The following ZBTB20 variants were observed in gnomAD, a reference collection of about 807,000 sequenced individuals.
ZBTB20 encodes zinc finger and BTB domain-containing protein 20.
In ZBTB20, 9 loss-of-function variants were observed where a neutral mutation model predicts 56.9. That is an observed-to-expected ratio of 0.16 (90% CI 0.10 to 0.28). The LOEUF (loss-of-function observed/expected upper bound fraction) is 0.28, where lower values mean the gene tolerates loss of function less well. Among genes scored for constraint, ZBTB20 ranks in the 10% least tolerant of loss-of-function variants. The pLI is 1.00. For synonymous variants in ZBTB20, 417 were observed against 420.7 expected (o/e 0.99, Z 0.11); for missense variants, 655 against 1,003.0 (o/e 0.65, Z 4.69).
At chr3:114,533,073 T>C (rs954011062) in intron 6 of ZBTB20, among the ~76,000 whole-genome samples, 1 of 152,036 alleles carries the variant, frequency 6.6e-6, no homozygotes, top group Non-Finnish European at 1.5e-5. Context: ...AAAACCCGAA[T>C]GTCGTTTCTC....
At chr3:115,063,485 C>A (rs918544391) in intron 2 of ZBTB20, among the ~76,000 whole-genome samples, 1 of 152,146 alleles carries the variant, frequency 6.6e-6, no homozygotes, top group African/African-American at 2.4e-5. Flanking sequence ...ATCTTGAGGG[C>A]CCCACCTTCA....
At chr3:114,919,512 C>A (rs1365234649) in intron 3 of ZBTB20, among the ~76,000 whole-genome samples, 2 of 152,054 alleles carry the variant, frequency 1.3e-5, no homozygotes, top group Non-Finnish European at 2.9e-5. Flanking sequence ...TCGAGACCAT[C>A]CTGGCCAAGT....
intron 2 of ZBTB20, among the ~76,000 whole-genome samples, chr3:115,062,355 T>C (rs1342935713): frequency 6.6e-6 from 1 of 152,198 alleles, no homozygotes; most frequent in East Asian, 1.9e-4. Flanking sequence ...AAATAAATCT[T>C]TGAGACAAAT....
intron 7 of ZBTB20, among the ~76,000 whole-genome samples, chr3:114,400,373 T>A (rs776636774): frequency 5.9e-5 from 9 of 152,188 alleles, no homozygotes; most frequent in Non-Finnish European, 1.3e-4. Context: ...CTGATCCATG[T>A]GGAAGTGCTT....
intron 6 of ZBTB20, among the ~76,000 whole-genome samples, chr3:114,671,666 G>A (rs2061368422): frequency 6.6e-6 from 1 of 151,620 alleles, no homozygotes; most frequent in African/African-American, 2.4e-5. Flanking sequence ...TTCAGTGACT[G>A]GGAATAACCA....
chr3:114,448,311 T>C (rs1260512139), intron 7 of ZBTB20, among the ~76,000 whole-genome samples: 1 of 152,136 alleles, frequency 6.6e-6, no homozygotes, highest in Non-Finnish European at 1.5e-5. Context: ...CAGCTGATCT[T>C]ACTGGAGAAG....
chr3:114,445,061 T>C (rs572163387), intron 7 of ZBTB20, among the ~76,000 whole-genome samples: 1 of 152,276 alleles, frequency 6.6e-6, no homozygotes, highest in East Asian at 1.9e-4. Flanking sequence ...ATGCTGACAT[T>C]TGCTTTGTCA....
At chr3:114,845,477 T>C (rs1277820878) in intron 4 of ZBTB20, among the ~76,000 whole-genome samples, 1 of 151,336 alleles carries the variant, frequency 6.6e-6, no homozygotes, top group Non-Finnish European at 1.5e-5. Flanking sequence ...AACTTAAATG[T>C]AAAGCAGTAA....
chr3:114,479,011 G>C (rs1299255233), intron 7 of ZBTB20, among the ~76,000 whole-genome samples: 2 of 150,266 alleles, frequency 1.3e-5, no homozygotes, highest in African/African-American at 5.0e-5. Context: ...TGAGCAAAGT[G>C]CTATAGTTAC....
At chr3:114,726,754 T>A (rs2065322383) in intron 5 of ZBTB20, among the ~76,000 whole-genome samples, 1 of 151,342 alleles carries the variant, frequency 6.6e-6, no homozygotes, top group African/African-American at 2.4e-5. Context: ...CTACTAAAAA[T>A]ACAAAAATTT....
At chr3:114,528,435 A>G (rs2047474059) in intron 6 of ZBTB20, among the ~76,000 whole-genome samples, 1 of 152,150 alleles carries the variant, frequency 6.6e-6, no homozygotes, top group African/African-American at 2.4e-5. Flanking sequence ...TTCAGGATAA[A>G]AAACAAAAAA....
intron 6 of ZBTB20, among the ~76,000 whole-genome samples, chr3:114,535,920 A>G (rs76920837): frequency 0.075 from 11,452 of 152,302 alleles, 445 homozygotes; most frequent in Middle Eastern, 0.14. Flanking sequence ...CAATAGATGC[A>G]GAAAAGGCCT....
intron 4 of ZBTB20, among the ~76,000 whole-genome samples, chr3:114,897,630 C>T (rs1268643930): frequency 1.3e-5 from 2 of 152,090 alleles, no homozygotes; most frequent in East Asian, 1.9e-4. Context: ...ATTCTTGGCT[C>T]ATCTCCTAAT....
chr3:114,770,517 A>G (rs2069122414), intron 5 of ZBTB20, among the ~76,000 whole-genome samples: 1 of 152,152 alleles, frequency 6.6e-6, no homozygotes, highest in African/African-American at 2.4e-5. Context: ...TATGGAAAAA[A>G]AAAAGAATCC....
At chr3:114,884,406 C>G (rs190329552) in intron 4 of ZBTB20, among the ~76,000 whole-genome samples, 1 of 152,154 alleles carries the variant, frequency 6.6e-6, no homozygotes, top group African/African-American at 2.4e-5. Flanking sequence ...TCACAGTAGA[C>G]GGCCTACTTC....
intron 4 of ZBTB20, among the ~76,000 whole-genome samples, chr3:114,842,423 A>G (rs979047331): frequency 1.3e-5 from 2 of 152,140 alleles, no homozygotes; most frequent in African/African-American, 4.8e-5. Flanking sequence ...CCTTCTTTAA[A>G]AACTTTTGTT....
chr3:115,046,994 G>C (rs1018207567), intron 2 of ZBTB20, among the ~76,000 whole-genome samples: 1 of 152,126 alleles, frequency 6.6e-6, no homozygotes, highest in African/African-American at 2.4e-5. Context: ...ACGTTAGATG[G>C]TATCTGTTTT....
intron 10 of ZBTB20, among the ~76,000 whole-genome samples, chr3:114,359,735 T>C (rs893473630): frequency 6.6e-6 from 1 of 152,238 alleles, no homozygotes; most frequent in East Asian, 1.9e-4. Context: ...ATTTGTGCTG[T>C]TTGAACTTGG....
chr3:114,761,205 AC>A (rs1484208752), intron 5 of ZBTB20, among the ~76,000 whole-genome samples: 2 of 152,190 alleles, frequency 1.3e-5, no homozygotes, highest in African/African-American at 4.8e-5. Context: ...TTGAGCTCCT[AC>A]TATATACTGA....
Sources: gnomAD v4.1 joint callset for allele counts (sites outside exome capture counted in the v4.1 genomes callset) on GRCh38, gnomAD v4.1.1 for gene constraint, MANE v1.5 for transcripts, NCBI Gene and HGNC (gene_info 2026-07-23, HGNC 2026-07-21) for gene names.